The following LUZP4 variants were observed in gnomAD, a reference collection of about 807,000 sequenced individuals.
The protein encoded by LUZP4 is HOM-TES-85 tumor antigen.
In LUZP4, 11 loss-of-function variants were observed where a neutral mutation model predicts 8.5. The observed-to-expected ratio is 1.30, with a 90% CI of 0.82 to 2.14. The LOEUF (loss-of-function observed/expected upper bound fraction) is 2.14. LUZP4 is among the 30% of genes most tolerant of loss of function. The probability of loss-of-function intolerance (pLI) is 0.00; values close to 1 mark genes in which losing one functional copy is unlikely to be tolerated. For synonymous variants in LUZP4, 104 were observed against 79.4 expected, an observed-to-expected ratio of 1.31 and a Z score of -1.65; for missense variants, 276 against 229.7, an observed-to-expected ratio of 1.20 and a Z score of -1.30.
chrX:115,295,092 T>C, intron 1 of LUZP4, among the ~76,000 whole-genome samples: 1 of 111,562 alleles, frequency 9.0e-6, no homozygotes. Context: ...TTTTATTTAA[T>C]TTTTTGAGAC....
At chrX:115,296,455 A>G (rs982778327) in intron 1 of LUZP4, among the ~76,000 whole-genome samples, 4 of 111,684 alleles carry the variant, frequency 3.6e-5, no homozygotes, top group Middle Eastern at 9.2e-3. Context: ...ATCATTACAG[A>G]GAGCAGAATG....
intron 1 of LUZP4, among the ~76,000 whole-genome samples, chrX:115,299,794 G>C (rs1347461077): frequency 1.8e-5 from 2 of 111,477 alleles, no homozygotes; most frequent in African/African-American, 6.5e-5. Flanking sequence ...TTCTGTAGCT[G>C]TGCTGGTACC....
intron 1 of LUZP4, among the ~76,000 whole-genome samples, chrX:115,299,360 T>G (rs1304948459): frequency 9.0e-6 from 1 of 111,115 alleles, no homozygotes; most frequent in Non-Finnish European, 1.9e-5. Context: ...CAGCCAGGCC[T>G]GTGTCCTTTC....
chrX:115,294,964 C>G (rs1280150731), intron 1 of LUZP4, among the ~76,000 whole-genome samples: 4 of 112,295 alleles, frequency 3.6e-5, no homozygotes, highest in Admixed American at 9.4e-5. Flanking sequence ...CATTGGTTCT[C>G]TATATCCATA....
intron 3 of LUZP4, 104 bp downstream of exon 3, chrX:115,303,522 C>A (rs1305936936): frequency 5.4e-6 from 2 of 370,451 alleles, no homozygotes; most frequent in Non-Finnish European, 9.1e-6. Context: ...GGGATTGTTT[C>A]TTGGTATTCC....
At chrX:115,305,120 C>T (rs965309383) in intron 3 of LUZP4, among the ~76,000 whole-genome samples, 8 of 111,791 alleles carry the variant, frequency 7.2e-5, no homozygotes, top group African/African-American at 2.6e-4. Flanking sequence ...AAAGGGACTG[C>T]AAGCTCCTTT....
intron 1 of LUZP4, among the ~76,000 whole-genome samples, chrX:115,300,540 G>C (rs1338330237): frequency 9.8e-5 from 11 of 112,206 alleles, no homozygotes; most frequent in African/African-American, 3.6e-4. Flanking sequence ...GGTTTACTTG[G>C]AGATCCAGAG....
intron 1 of LUZP4, among the ~76,000 whole-genome samples, chrX:115,297,182 A>G (rs782452553): frequency 9.0e-6 from 1 of 111,286 alleles, no homozygotes; most frequent in Non-Finnish European, 1.9e-5. Flanking sequence ...AGTAGGTCTT[A>G]TTCATTCTTT....
At chrX:115,290,278 G>A (rs2073343065) in intron 1 of LUZP4, among the ~76,000 whole-genome samples, 1 of 111,681 alleles carries the variant, frequency 9.0e-6, no homozygotes, top group Non-Finnish European at 1.9e-5. Context: ...CTAGATTCCA[G>A]GGCCCGGAGG....
At chrX:115,294,598 C>T (rs782701441) in intron 1 of LUZP4, among the ~76,000 whole-genome samples, 103 of 111,736 alleles carry the variant, frequency 9.2e-4, no homozygotes, top group Non-Finnish European at 1.1e-3. Context: ...ATACAGTAGA[C>T]ATGAAAGAGA....
At chrX:115,299,754 G>A (rs1309326091) in intron 1 of LUZP4, among the ~76,000 whole-genome samples, 2 of 111,128 alleles carry the variant, frequency 1.8e-5, no homozygotes, top group Non-Finnish European at 3.8e-5. Context: ...TGGAATCACG[G>A]ATTCCAAGAG....
chrX:115,306,691 CAG>C lies in LUZP4; in HGVS notation c.835_836del (p.Asp279SerfsTer5), dbSNP rs782418295. The C allele has an allele frequency of 1.7e-6, 2 of 1,210,899 alleles. No individual in the cohort carries two copies. The highest frequency in any genetic ancestry group is 1.1e-6 in the Non-Finnish European group (1 of 895,342). ...CACTCAGAGAGATCTCATAGTCACT[CAG>C]AGAGATCTCGTGGCCACTGAGAGAG... ...IATQRDLIVT[Q>X]RDLVATERDL... On this transcript the variant is annotated frameshift_variant, in exon 4 of 4. Coordinates refer to ENST00000371920, the MANE Select transcript of LUZP4 (RefSeq NM_016383.5). LOFTEE classifies it low-confidence loss of function (END_TRUNC).
At chrX:115,304,161 C>G (rs2073409983) in intron 3 of LUZP4, among the ~76,000 whole-genome samples, 1 of 112,373 alleles carries the variant, frequency 8.9e-6, no homozygotes, top group South Asian at 3.7e-4. Context: ...AATTATGATT[C>G]AATGCCTACT....
At chrX:115,305,950 A>G (rs1419252172) in intron 3 of LUZP4, among the ~76,000 whole-genome samples, 2 of 111,746 alleles carry the variant, frequency 1.8e-5, no homozygotes, top group Non-Finnish European at 3.8e-5. Flanking sequence ...AGTACAGTCA[A>G]ACTCATAAAA....
intron 1 of LUZP4, among the ~76,000 whole-genome samples, chrX:115,295,388 G>A (rs782073002): frequency 8.9e-6 from 1 of 112,615 alleles, no homozygotes; most frequent in African/African-American, 3.2e-5. Flanking sequence ...TGAGGCCCTT[G>A]CAGTTTGAAG....
chrX:115,296,730 G>T (rs2073372327), intron 1 of LUZP4, among the ~76,000 whole-genome samples: 1 of 111,330 alleles, frequency 9.0e-6, no homozygotes, highest in Admixed American at 9.6e-5. Flanking sequence ...TCAAATGGTG[G>T]TCTCTGGAAC....
chrX:115,306,944 C>A lies in LUZP4; in HGVS notation c.*140C>A. ...AATGGAGGTAATACATACATAGTAT[C>A]AATATTGTTTCAACTTGATGTCCTC... On this transcript the variant is annotated 3_prime_UTR_variant, in exon 4 of 4. Transcript: ENST00000371920. The A allele has an allele frequency of 1.7e-6, 1 of 579,332 alleles. No homozygotes were observed. The highest frequency in any genetic ancestry group is 2.7e-6 in the Non-Finnish European group (1 of 368,550). The allele number at this position is 579,332 out of a possible 1,213,427, so 47.7% of individuals were successfully genotyped here. A position where few individuals can be genotyped will look rare whatever the true frequency, so the allele number is the denominator to read the frequency against.
chrX:115,303,553 T>C, intron 3 of LUZP4, 135 bp downstream of exon 3: 1 of 289,089 alleles, frequency 3.5e-6, no homozygotes, highest in Non-Finnish European at 6.3e-6. Context: ...CTTGAACATA[T>C]TTTAAATTCA....
chrX:115,305,402 T>C (rs781927696), intron 3 of LUZP4, among the ~76,000 whole-genome samples: 2 of 112,500 alleles, frequency 1.8e-5, no homozygotes, highest in African/African-American at 6.4e-5. Flanking sequence ...CCCTGCTGTT[T>C]AGCAGTTGCT....
Sources: allele counts gnomAD v4.1 joint callset (sites outside exome capture counted in the v4.1 genomes callset), GRCh38; gene constraint gnomAD v4.1.1; transcripts MANE v1.5; gene names NCBI Gene and HGNC (gene_info 2026-07-23, HGNC 2026-07-21).